ISLR2: variants seen among roughly 807,000 people sequenced by gnomAD.
ISLR2 encodes immunoglobulin superfamily containing leucine rich repeat 2, also known as immunoglobulin superfamily containing leucine-rich repeat protein 2.
ISLR2 carries 16 observed loss-of-function variants against 25.5 expected under a neutral mutation model. The observed-to-expected ratio is 0.63, with a 90% CI of 0.43 to 0.95. The LOEUF is 0.95. ISLR2 is among the 40% of genes least tolerant of loss of function. The pLI is 0.00. For synonymous variants in ISLR2, 508 were observed against 486.6 expected (o/e 1.04, Z -0.58); for missense variants, 883 against 1,030.7 (o/e 0.86, Z 1.96).
intron 2 of ISLR2, among the ~76,000 whole-genome samples, chr15:74,108,519 G>T (rs889039189): frequency 1.3e-5 from 2 of 151,992 alleles, no homozygotes; most frequent in Admixed American, 6.6e-5. Context: ...TCAAGAATCT[G>T]GCCCCTCACA....
At chr15:74,124,127 G>A (rs1381567081), upstream of ISLR2, among the ~76,000 whole-genome samples, 1 of 150,512 alleles carries the variant, frequency 6.6e-6, no homozygotes, top group African/African-American at 2.5e-5. Context: ...GATATAGATT[G>A]GTCTAAACTC....
intron 2 of ISLR2, among the ~76,000 whole-genome samples, chr15:74,117,336 A>AT (rs1376082457): frequency 1.3e-5 from 2 of 152,092 alleles, no homozygotes; most frequent in African/African-American, 4.8e-5. Flanking sequence ...GGAAATTGCA[A>AT]TTTTTTGTTG....
upstream of ISLR2, among the ~76,000 whole-genome samples, chr15:74,124,722 G>A (rs574665613): frequency 2.6e-5 from 4 of 152,112 alleles, no homozygotes; most frequent in Admixed American, 6.5e-5. Flanking sequence ...TTGTGCCACC[G>A]CACTTCAGCC....
chr15:74,121,955 GC>G (rs760662111), intron 2 of ISLR2, among the ~76,000 whole-genome samples: 4 of 152,300 alleles, frequency 2.6e-5, no homozygotes, highest in Middle Eastern at 6.8e-3. Flanking sequence ...CTGTTCTAGT[GC>G]CCGTGGGCAA....
intron 2 of ISLR2, among the ~76,000 whole-genome samples, chr15:74,105,848 CATT>C (rs2072115604): frequency 6.6e-6 from 1 of 152,102 alleles, no homozygotes; most frequent in Non-Finnish European, 1.5e-5. Context: ...AGAACTTTGA[CATT>C]AATATACTAA....
chr15:74,100,596 C>T (rs1207353405), intron 1 of ISLR2: 1 of 148,680 alleles, frequency 6.7e-6, no homozygotes, highest in Admixed American at 7.1e-5. Context: ...CAGCTGCGGG[C>T]TGTGGCAAAA....
intron 2 of ISLR2, among the ~76,000 whole-genome samples, chr15:74,116,206 AAAG>A (rs1236115637): frequency 1.3e-5 from 2 of 152,124 alleles, no homozygotes; most frequent in African/African-American, 2.4e-5. Context: ...AAAATAAAAC[AAAG>A]AAGAATTACT....
intron 2 of ISLR2, among the ~76,000 whole-genome samples, chr15:74,110,418 G>A (rs984313520): frequency 1.3e-5 from 2 of 152,152 alleles, no homozygotes; most frequent in African/African-American, 2.4e-5. Flanking sequence ...ATGATTGTTC[G>A]TGGCAGATTT....
chr15:74,137,426 G>A (rs1567166620), downstream of ISLR2, among the ~76,000 whole-genome samples: 1 of 152,226 alleles, frequency 6.6e-6, no homozygotes, highest in Non-Finnish European at 1.5e-5. Context: ...GCGTTGTGTG[G>A]GTGGGTGGGG....
At chr15:74,120,577 AG>A (rs2072245337) in intron 2 of ISLR2, among the ~76,000 whole-genome samples, 1 of 149,346 alleles carries the variant, frequency 6.7e-6, no homozygotes, top group African/African-American at 2.5e-5. Flanking sequence ...AGGGTAGGTG[AG>A]GGGGGTGTGG....
At chr15:74,110,837 T>C (rs193120313) in intron 2 of ISLR2, among the ~76,000 whole-genome samples, 2 of 152,232 alleles carry the variant, frequency 1.3e-5, no homozygotes, top group African/African-American at 4.8e-5. Flanking sequence ...CGGGCACCTG[T>C]AATCCCAGCT....
chr15:74,107,241 A>T (rs1171964731), intron 2 of ISLR2, among the ~76,000 whole-genome samples: 1 of 152,206 alleles, frequency 6.6e-6, no homozygotes, highest in East Asian at 1.9e-4. Context: ...ATCCCGGCAA[A>T]GAACAGTCTC....
chr15:74,108,157 C>G (rs1279889764), intron 2 of ISLR2, among the ~76,000 whole-genome samples: 3 of 152,162 alleles, frequency 2.0e-5, no homozygotes, highest in South Asian at 4.1e-4. Flanking sequence ...GACCATAACC[C>G]AGGACGCTAG....
At position 74,134,023 on chromosome 15, in the gene ISLR2, C is replaced by G; in HGVS notation, c.1269C>G (p.Ala423=). Reference sequence around the variant, plus strand: ...GCAAAATCAAAGGCCAAGGCCTGGCCAAGGTCAGCATTCTCGGGGAGACCG... The same window carrying G: ...GCAAAATCAAAGGCCAAGGCCTGGCGAAGGTCAGCATTCTCGGGGAGACCG... ...PEGKIKGQGL[A]KVSILGETET... Residue 423 remains alanine (A), a synonymous_variant, in exon 3 of 3, where the codon GCC becomes GCG. Coordinates refer to ENST00000453268, the MANE Select transcript of ISLR2 (RefSeq NM_020851.3). The G allele has an allele frequency of 6.2e-7, 1 of 1,613,406 alleles. No homozygotes were observed. Among genetic ancestry groups the G allele is most frequent in the Non-Finnish European group, 8.5e-7 (1 of 1,179,742 alleles).
chr15:74,120,448 G>C (rs1343783956), intron 2 of ISLR2, among the ~76,000 whole-genome samples: 2 of 151,688 alleles, frequency 1.3e-5, no homozygotes, highest in Non-Finnish European at 2.9e-5. Context: ...CTTGAACCCG[G>C]GAGGTGGAGG....
downstream of ISLR2, among the ~76,000 whole-genome samples, chr15:74,140,148 A>C (rs1429948233): frequency 1.3e-5 from 2 of 152,174 alleles, no homozygotes; most frequent in African/African-American, 4.8e-5. Flanking sequence ...AGATCATTAA[A>C]GTCCATTAAT....
rs563372246 is a variant in ISLR2 at position 74,111,862 on chromosome 15, A to ATT, written n.228+7951_228+7952dup. 1.6e-3 allele frequency among the ~76,000 whole-genome samples: 243 copies of ATT among 152,188 alleles called. 1 individual carries two copies. Among genetic ancestry groups the ATT allele is most frequent in the Non-Finnish European group, 3.0e-3 (205 of 67,996 alleles). On this transcript the variant is annotated intron_variant and non_coding_transcript_variant, in intron 2 of 3. Transcript: ENST00000561975. ...AGTACAGAGGAATAGCAGGAGGGGG[A>ATT]TTTTCGTGGTGGTAGAACAGCTCTG...
At chr15:74,113,037 T>G (rs2141931212) in intron 2 of ISLR2, among the ~76,000 whole-genome samples, 1 of 152,196 alleles carries the variant, frequency 6.6e-6, no homozygotes. Flanking sequence ...GGGTCAGGGG[T>G]GGTGGTTATG....
intron 2 of ISLR2, among the ~76,000 whole-genome samples, chr15:74,116,024 C>T (rs952731610): frequency 3.3e-5 from 5 of 151,438 alleles, no homozygotes; most frequent in Non-Finnish European, 5.9e-5. Context: ...ATAGGGAGAC[C>T]TATCTCTATA....
Sources: allele counts gnomAD v4.1 joint callset (sites outside exome capture counted in the v4.1 genomes callset), GRCh38; gene constraint gnomAD v4.1.1; transcripts MANE v1.5; gene names NCBI Gene and HGNC (gene_info 2026-07-23, HGNC 2026-07-21).